Variants in COL5A1 observed in about 807,000 individuals in gnomAD.
The protein encoded by COL5A1 is collagen type V alpha 1 chain, also known as collagen alpha-1(V) chain.
Under a neutral mutation model 263.7 loss-of-function variants are expected in COL5A1, and 16 were observed. The observed-to-expected ratio is 0.06, with a 90% CI of 0.04 to 0.09. The LOEUF is 0.09. Ranked by LOEUF, COL5A1 falls within the 10% of genes least tolerant of loss-of-function variation. The pLI is 1.00. For synonymous variants in COL5A1, 1,012 were observed against 1,004.5 expected (o/e 1.01, Z -0.14); for missense variants, 2,036 against 2,540.5 (o/e 0.80, Z 4.27).
chr9:134,797,266 C>G (rs917441988), intron 36 of COL5A1, among the ~76,000 whole-genome samples: 1 of 152,232 alleles, frequency 6.6e-6, no homozygotes, highest in Non-Finnish European at 1.5e-5. Flanking sequence ...TGTGGCTCTT[C>G]TGTCACAGCC....
chr9:134,686,937 T>C lies in COL5A1; in HGVS notation c.110-3975T>C, dbSNP rs1325231021. 2.6e-5 allele frequency among the ~76,000 whole-genome samples: 4 copies of C among 152,000 alleles called. No individual in the cohort carries two copies. Among genetic ancestry groups the C allele is most frequent in the Non-Finnish European group, 5.9e-5 (4 of 68,000 alleles). The stretch of plus-strand genomic sequence containing the variant: ...CACAGCTGATGGGAGCAAGCCACGA[T>C]GGGGAAAGGGATTGAATGCAGGGAG... On this transcript the variant is annotated intron_variant, in intron 1 of 65. Coordinates refer to ENST00000371817, the MANE Select transcript of COL5A1 (RefSeq NM_000093.5). The surrounding 1 kb of genome is among the most constrained non-coding windows in gnomAD (Gnocchi z 4.6).
Position 134,824,594 on chromosome 9 carries a change from C to T in COL5A1, c.4699-6C>T, listed in dbSNP as rs113090154. On this transcript the variant is annotated splice_polypyrimidine_tract_variant and splice_region_variant and intron_variant, in intron 61 of 65. Transcript: ENST00000371817. ...CACCCACCGCTGCTCCTGTTCTGTC[C>T]CCCAGGGCCCCCCGGGAGAGGTCAT... 1.7e-3 allele frequency: 2,740 copies of T among 1,613,922 alleles called. 43 individuals carry two copies. The African/African-American group carries it at 0.028, about 17-fold the overall frequency.
At chr9:134,786,400 G>A (rs932461747) in intron 31 of COL5A1, among the ~76,000 whole-genome samples, 11 of 152,308 alleles carry the variant, frequency 7.2e-5, no homozygotes, top group African/African-American at 2.6e-4. Flanking sequence ...CGAGTTGAAA[G>A]GAGGCTCTTG....
rs570949470 is a variant in COL5A1 at position 134,746,313 on chromosome 9, T to C, written c.1495-4229T>C. On this transcript the variant is annotated intron_variant, in intron 11 of 65. Transcript: ENST00000371817. ...CTCCTGCTCCAGCTCTTTCCGAGAG[T>C]GGAAGGGAGCTTTTCAACACAAAGC... 3.3e-5 allele frequency among the ~76,000 whole-genome samples: 5 copies of C among 151,846 alleles called. No homozygotes were observed. In the South Asian group the frequency reaches 6.2e-4, roughly 19 times the overall value.
intron 2 of COL5A1, among the ~76,000 whole-genome samples, chr9:134,694,449 T>C (rs1833391317): frequency 6.6e-6 from 1 of 152,230 alleles, no homozygotes; most frequent in Non-Finnish European, 1.5e-5. Flanking sequence ...CCCGGCCTCC[T>C]CTGGCCTGGG....
Position 134,757,087 on chromosome 9 carries a change from C to T in COL5A1, c.1881+269C>T, listed in dbSNP as rs1419433138. Among the ~76,000 whole-genome samples, 2 of 152,082 alleles carry T rather than the reference C, an allele frequency of 1.3e-5. No individual in the cohort carries two copies. The highest frequency in any genetic ancestry group is 2.4e-5 in the African/African-American group (1 of 41,398). ...TGGGATCCCGACTATGAAAACCATC[C>T]GTGGCCGTGCAGGTGACGAGGCGCA... On this transcript the variant is annotated intron_variant, in intron 17 of 65. Coordinates refer to ENST00000371817, the MANE Select transcript of COL5A1 (RefSeq NM_000093.5). This position sits in a 1 kb window ranked among gnomAD's most constrained non-coding sequence, Gnocchi z 6.2.
intron 37 of COL5A1, among the ~76,000 whole-genome samples, chr9:134,798,702 G>C (rs753896015): frequency 2.6e-5 from 4 of 152,254 alleles, no homozygotes; most frequent in Non-Finnish European, 5.9e-5. Flanking sequence ...GTGGGCAGAA[G>C]GCAGGTGTTG....
rs1833072834 is a variant in COL5A1 at position 134,686,115 on chromosome 9, G to A, written c.110-4797G>A. ...TGTTGAGCTCCTCCTATGTGCCAGT[G>A]CTGCAGTCTTGCTTGTATTTCTTAT... On this transcript the variant is annotated intron_variant, in intron 1 of 65. Transcript: ENST00000371817. The surrounding 1 kb of genome is among the most constrained non-coding windows in gnomAD (Gnocchi z 4.6). Among the ~76,000 whole-genome samples the A allele has an allele frequency of 6.6e-6, 1 of 152,310 alleles. No individual in the cohort carries two copies. The highest frequency in any genetic ancestry group is 3.4e-3 in the Middle Eastern group (1 of 294).
rs964161025 is a variant in COL5A1, at chr9:134,696,615, A to C, written c.278-3294A>C. Among the ~76,000 whole-genome samples, 1 of 152,200 alleles carries C rather than the reference A, an allele frequency of 6.6e-6. No homozygotes were observed. Among genetic ancestry groups the C allele is most frequent in the Non-Finnish European group, 1.5e-5 (1 of 68,044 alleles). On this transcript the variant is annotated intron_variant, in intron 2 of 65. Transcript: ENST00000371817. This position sits in a 1 kb window ranked among gnomAD's most constrained non-coding sequence, Gnocchi z 4.3. Reference sequence around the variant, plus strand: ...GGCACCAATCACTGTTTATTAGGGGATCAGTCACTGTTTATTGATCACGTG... The same window carrying C: ...GGCACCAATCACTGTTTATTAGGGGCTCAGTCACTGTTTATTGATCACGTG...
intron 6 of COL5A1, among the ~76,000 whole-genome samples, chr9:134,729,869 C>A (rs1349336629): frequency 1.3e-5 from 2 of 152,160 alleles, no homozygotes; most frequent in African/African-American, 4.8e-5. Flanking sequence ...TGTATCCTTC[C>A]AGGGAAAGGT....
chr9:134,685,440 ATTG>A (rs763135292), intron 1 of COL5A1, among the ~76,000 whole-genome samples: 108 of 2,944 alleles, frequency 0.037, 1 homozygote, highest in Non-Finnish European at 0.042. Context: ...CCATCCATCC[ATTG>A]TCCATCATCC....
At chr9:134,822,958 A>T in intron 59 of COL5A1, 40 bp from the exon 60 acceptor site, 1 of 1,613,658 alleles carries the variant, frequency 6.2e-7, no homozygotes, top group Non-Finnish European at 8.5e-7. Context: ...GCTGGAGCTG[A>T]GACCCGGCTT....
intron 1 of COL5A1, among the ~76,000 whole-genome samples, chr9:134,688,127 GCACTAGGCC>G (rs1833142221): frequency 6.6e-6 from 1 of 152,184 alleles, no homozygotes; most frequent in African/African-American, 2.4e-5. Context: ...AGGAGGGGTG[GCACTAGGCC>G]TGGGAAAGGT....
intron 37 of COL5A1, among the ~76,000 whole-genome samples, chr9:134,801,512 C>T (rs769596241): frequency 5.9e-5 from 9 of 152,158 alleles, no homozygotes; most frequent in South Asian, 4.1e-4. Context: ...TTAGTGCAAA[C>T]GCACGGTGGC....
At chr9:134,710,587 T>G (rs551786263) in intron 4 of COL5A1, among the ~76,000 whole-genome samples, 2 of 9,826 alleles carry the variant, frequency 2.0e-4, no homozygotes, top group African/African-American at 1.0e-3. Flanking sequence ...GGTGCAGTGG[T>G]GGGGGGGCCC....
chr9:134,794,315 C>T lies in COL5A1; in HGVS notation c.2701-767C>T, dbSNP rs1837818277. Among the ~76,000 whole-genome samples the T allele has an allele frequency of 7.3e-6, 1 of 137,012 alleles. No homozygotes were observed. Among genetic ancestry groups the T allele is most frequent in the South Asian group, 2.4e-4 (1 of 4,114 alleles). 89.9% of individuals were successfully genotyped at this position (137,012 alleles called of 152,430 possible). On this transcript the variant is annotated intron_variant, in intron 32 of 65. Coordinates refer to ENST00000371817, the MANE Select transcript of COL5A1 (RefSeq NM_000093.5). This position sits in a 1 kb window ranked among gnomAD's most constrained non-coding sequence, Gnocchi z 4.3. Reference sequence around the variant, plus strand: ...ATTCCAGCCTGGCGGCAGAGCAAGACTCTGTCTAAAAAAAAAAAAAAAGAA... The same window carrying T: ...ATTCCAGCCTGGCGGCAGAGCAAGATTCTGTCTAAAAAAAAAAAAAAAGAA...
chr9:134,747,774 C>A (rs1835588814), intron 11 of COL5A1, among the ~76,000 whole-genome samples: 1 of 151,394 alleles, frequency 6.6e-6, no homozygotes, highest in Admixed American at 6.6e-5. Context: ...TACATGCAGA[C>A]ACATGCACAC....
chr9:134,764,927 A>T (rs1013278862), intron 20 of COL5A1, among the ~76,000 whole-genome samples: 5 of 152,176 alleles, frequency 3.3e-5, no homozygotes, highest in African/African-American at 1.2e-4. Flanking sequence ...CTTCTACAGA[A>T]TCTGAAAAGG....
intron 63 of COL5A1, among the ~76,000 whole-genome samples, chr9:134,828,715 G>A (rs978350316): frequency 0.02 from 16 of 812 alleles, no homozygotes; most frequent in East Asian, 0.1. Context: ...ACATAGATAC[G>A]CACCACACAT....
Sources: gnomAD v4.1 joint callset for allele counts (sites outside exome capture counted in the v4.1 genomes callset) on GRCh38, gnomAD v4.1.1 for gene constraint, Gnocchi (gnomAD v3.1) non-coding constraint, MANE v1.5 for transcripts, NCBI Gene and HGNC (gene_info 2026-07-23, HGNC 2026-07-21) for gene names.